Variants in ADAMTSL1 observed in about 807,000 individuals in gnomAD.
ADAMTSL1 encodes ADAMTS-like protein 1.
A neutral mutation model predicts 201.8 loss-of-function variants in ADAMTSL1; 126 were observed. That is an observed-to-expected ratio of 0.62 (90% CI 0.54 to 0.72). ADAMTSL1 has a LOEUF of 0.72. Among genes scored for constraint, ADAMTSL1 ranks in the 30% least tolerant of loss-of-function variants. ADAMTSL1 has a pLI of 0.00. For missense variants in ADAMTSL1, 2,679 were observed against 2,277.8 expected, an observed-to-expected ratio of 1.18 and a Z score of -3.59; for synonymous variants, 1,121 against 903.4, an observed-to-expected ratio of 1.24 and a Z score of -4.32.
rs1359971960 is a variant in ADAMTSL1 at position 18,909,579 on chromosome 9, C to T, written c.*1031C>T. The T allele has an allele frequency of 3.9e-5, 6 of 152,278 alleles. No individual in the cohort carries two copies. The highest frequency in any genetic ancestry group is 5.9e-5 in the Non-Finnish European group (4 of 68,090). The allele number at this position is 152,278 out of a possible 1,614,324, so 9.4% of individuals were successfully genotyped here. A position where few individuals can be genotyped will look rare whatever the true frequency, so the allele number is the denominator to read the frequency against. ...GCCCAGGTTTTTTGCCTTCTAGGAC[C>T]TTTGCTGCTCCACCGAAGGGCCAGG... On this transcript the variant is annotated 3_prime_UTR_variant, in exon 29 of 29. Coordinates refer to ENST00000380548, the MANE Select transcript of ADAMTSL1 (RefSeq NM_001040272.6).
intron 23 of ADAMTSL1, among the ~76,000 whole-genome samples, chr9:18,857,079 T>C (rs1258620849): frequency 1.3e-5 from 2 of 152,206 alleles, no homozygotes; most frequent in African/African-American, 4.8e-5. Flanking sequence ...GTTCTACTTC[T>C]TGGTTTGAGA....
At chr9:18,195,562 A>G (rs986853991) in intron 2 of ADAMTSL1, among the ~76,000 whole-genome samples, 6 of 152,134 alleles carry the variant, frequency 3.9e-5, no homozygotes, top group Non-Finnish European at 7.4e-5. Context: ...TTTTTTAAAA[A>G]TTATTCTCTT....
At chr9:18,179,975 C>G (rs538376360) in intron 2 of ADAMTSL1, among the ~76,000 whole-genome samples, 4,982 of 151,740 alleles carry the variant, frequency 0.033, 117 homozygotes, top group Non-Finnish European at 0.054. Context: ...AACTAACAAG[C>G]AAAATAACCA....
At chr9:18,708,765 T>TGTAA (rs1832379195) in intron 14 of ADAMTSL1, among the ~76,000 whole-genome samples, 1 of 152,188 alleles carries the variant, frequency 6.6e-6, no homozygotes, top group Non-Finnish European at 1.5e-5. Context: ...CAGTTATAGT[T>TGTAA]CTCAGTTACA....
At chr9:18,003,273 C>G (rs558519581) in intron 1 of ADAMTSL1, among the ~76,000 whole-genome samples, 1 of 148,424 alleles carries the variant, frequency 6.7e-6, no homozygotes, top group Non-Finnish European at 1.5e-5. Flanking sequence ...GTCTACATGT[C>G]CATGAAGCAG....
intron 2 of ADAMTSL1, among the ~76,000 whole-genome samples, chr9:18,281,762 G>T (rs1371353671): frequency 2.6e-5 from 4 of 152,138 alleles, no homozygotes; most frequent in South Asian, 2.1e-4. Context: ...CCACAGCAGG[G>T]TCTTCCTGTT....
rs995406713 is a variant in ADAMTSL1 at position 18,792,829 on chromosome 9, T to C, written c.3678-2568T>C. ...TCATACTATGATCTAAAATATTGTA[T>C]GGTTTACCAAAGATAAGTAAATTGT... On this transcript the variant is annotated intron_variant, in intron 19 of 28. Transcript: ENST00000380548. Among the ~76,000 whole-genome samples, 3 of 152,238 alleles carry C rather than the reference T, an allele frequency of 2.0e-5. 1 individual carries two copies. Among genetic ancestry groups the C allele is most frequent in the African/African-American group, 7.2e-5 (3 of 41,464 alleles).
intron 1 of ADAMTSL1, among the ~76,000 whole-genome samples, chr9:17,942,543 T>C (rs558048293): frequency 8.5e-5 from 13 of 152,278 alleles, no homozygotes; most frequent in Admixed American, 2.6e-4. Context: ...TGAAAAATGA[T>C]TGGATGATGC....
chr9:18,480,827 G>A (rs146044968), intron 1 of ADAMTSL1, among the ~76,000 whole-genome samples: 25 of 152,258 alleles, frequency 1.6e-4, no homozygotes, highest in African/African-American at 5.5e-4. Context: ...GTACTACAGG[G>A]AAAATAGGAA....
intron 23 of ADAMTSL1, among the ~76,000 whole-genome samples, chr9:18,840,634 A>G (rs199736425): frequency 6.6e-6 from 1 of 152,160 alleles, no homozygotes; most frequent in East Asian, 1.9e-4. Flanking sequence ...GGCAGTATGG[A>G]CATTTTCATG....
intron 19 of ADAMTSL1, among the ~76,000 whole-genome samples, chr9:18,787,846 C>T (rs1278361694): frequency 2.0e-5 from 3 of 152,122 alleles, no homozygotes; most frequent in Admixed American, 2.0e-4. Context: ...GAAATCCAGT[C>T]AGTCATTTCA....
chr9:18,522,925 G>A (rs1054524976), intron 2 of ADAMTSL1, among the ~76,000 whole-genome samples: 20 of 152,294 alleles, frequency 1.3e-4, no homozygotes, highest in African/African-American at 4.8e-4. Context: ...CTTTATAGCA[G>A]TATGATTTAT....
chr9:18,251,600 A>G (rs1385130677), intron 2 of ADAMTSL1, among the ~76,000 whole-genome samples: 5 of 152,118 alleles, frequency 3.3e-5, no homozygotes, highest in Non-Finnish European at 7.4e-5. Flanking sequence ...TGTTTGCAGG[A>G]AGGGACTGGA....
intron 2 of ADAMTSL1, among the ~76,000 whole-genome samples, chr9:18,392,198 T>A (rs1838081878): frequency 6.6e-6 from 1 of 152,322 alleles, no homozygotes; most frequent in African/African-American, 2.4e-5. Context: ...GTTACAAATA[T>A]GATTAGTAAT....
At chr9:18,246,540 C>G (rs1256607897) in intron 2 of ADAMTSL1, among the ~76,000 whole-genome samples, 1 of 152,104 alleles carries the variant, frequency 6.6e-6, no homozygotes, top group Non-Finnish European at 1.5e-5. Flanking sequence ...CTATGTCAGG[C>G]AGGAAGTGCC....
chr9:18,139,139 C>T (rs1296109300), intron 1 of ADAMTSL1, among the ~76,000 whole-genome samples: 2 of 152,096 alleles, frequency 1.3e-5, no homozygotes, highest in Non-Finnish European at 2.9e-5. Context: ...CTGATTGATT[C>T]AGCAAACCTT....
chr9:18,225,742 A>G (rs535396455), intron 2 of ADAMTSL1, among the ~76,000 whole-genome samples: 1 of 152,296 alleles, frequency 6.6e-6, no homozygotes, highest in East Asian at 1.9e-4. Context: ...AGAAGAAAAA[A>G]AATTCAGTTT....
intron 23 of ADAMTSL1, among the ~76,000 whole-genome samples, chr9:18,850,172 C>T (rs527666071): frequency 7.9e-5 from 12 of 152,298 alleles, no homozygotes; most frequent in South Asian, 4.1e-4. Flanking sequence ...CTTGAGAAAA[C>T]GCACTCACAC....
At chr9:18,894,921 G>A (rs892107758) in intron 26 of ADAMTSL1, among the ~76,000 whole-genome samples, 1 of 152,104 alleles carries the variant, frequency 6.6e-6, no homozygotes, top group African/African-American at 2.4e-5. Context: ...TAATGAGTAG[G>A]AAAATTCACA....
Sources: gnomAD v4.1 joint callset for allele counts (sites outside exome capture counted in the v4.1 genomes callset) on GRCh38, gnomAD v4.1.1 for gene constraint, MANE v1.5 for transcripts, NCBI Gene and HGNC (gene_info 2026-07-23, HGNC 2026-07-21) for gene names.